KCNQ1: variants seen among roughly 807,000 people sequenced by gnomAD.
The protein encoded by KCNQ1 is potassium voltage-gated channel subfamily Q member 1, also known as potassium voltage-gated channel subfamily KQT member 1.
A neutral mutation model predicts 72.4 loss-of-function variants in KCNQ1; 49 were observed. The observed-to-expected ratio is 0.68, with a 90% CI of 0.54 to 0.86. KCNQ1 has a LOEUF of 0.86. Ranked by LOEUF, KCNQ1 falls within the 40% of genes least tolerant of loss-of-function variation. The pLI, the probability that KCNQ1 is intolerant of heterozygous loss-of-function variation, is 0.00. For synonymous variants in KCNQ1, 450 were observed against 412.6 expected (o/e 1.09, Z -1.10); for missense variants, 790 against 945.1 (o/e 0.84, Z 2.15).
chr11:2,587,430 T>G, intron 8 of KCNQ1, 140 bp from the exon 9 acceptor site: 1 of 1,234,240 alleles, frequency 8.1e-7, no homozygotes, highest in South Asian at 1.3e-5. Flanking sequence ...ATGTCAAGCC[T>G]GTGACTCTGA....
intron 11 of KCNQ1, among the ~76,000 whole-genome samples, chr11:2,717,880 C>T (rs231888): frequency 0.35 from 53,797 of 152,102 alleles, 10,684 homozygotes; most frequent in East Asian, 0.76. Flanking sequence ...CGCCCCAGGG[C>T]CTCCAGGTTT....
At chr11:2,561,707 C>T (rs973407945) in intron 2 of KCNQ1, among the ~76,000 whole-genome samples, 3 of 152,252 alleles carry the variant, frequency 2.0e-5, no homozygotes, top group African/African-American at 7.2e-5. Context: ...ATGTGTGGGA[C>T]AAGGGGCTCT....
chr11:2,553,840 C>G (rs575644213), intron 2 of KCNQ1, among the ~76,000 whole-genome samples: 2 of 151,974 alleles, frequency 1.3e-5, no homozygotes, highest in African/African-American at 2.4e-5. Flanking sequence ...CTCAGCCTCC[C>G]GAGTAGCTGG....
intron 10 of KCNQ1, chr11:2,629,905 G>A (rs1394065007): frequency 2.5e-6 from 1 of 398,162 alleles, no homozygotes; most frequent in Non-Finnish European, 4.4e-6. Context: ...TGATTTGAGT[G>A]TATTTATTTA....
rs1850182418 is a variant in KCNQ1 at position 2,671,463 on chromosome 11, G to A, written c.1514+9382G>A. 2.5e-6 allele frequency: 1 copy of A among 398,486 alleles called. No homozygotes were observed. The highest frequency in any genetic ancestry group is 2.1e-5 in the African/African-American group (1 of 48,626). The allele number at this position is 398,486 out of a possible 1,614,324, so 24.7% of individuals were successfully genotyped here. On this transcript the variant is annotated intron_variant, in intron 11 of 15. Coordinates refer to ENST00000155840, the MANE Select transcript of KCNQ1 (RefSeq NM_000218.3). This position sits in a 1 kb window ranked among gnomAD's most constrained non-coding sequence, Gnocchi z 4.7. ...AGCAGGCAGAAGAGCAACCCAGCAG[G>A]GGATATACACAAAGATCTGAGAAAG...
rs555961833 is a variant in KCNQ1, at chr11:2,808,294, C to A, written c.1794+30257C>A. Among the ~76,000 whole-genome samples, 1 of 152,192 alleles carries A rather than the reference C, an allele frequency of 6.6e-6. No homozygotes were observed. Among genetic ancestry groups the A allele is most frequent in the Non-Finnish European group, 1.5e-5 (1 of 68,032 alleles). On this transcript the variant is annotated intron_variant, in intron 15 of 15. Coordinates refer to ENST00000155840, the MANE Select transcript of KCNQ1 (RefSeq NM_000218.3). The surrounding 1 kb of genome is among the most constrained non-coding windows in gnomAD (Gnocchi z 6.0). ...CCAGTGGAAGATAATGGAGGTGTTACGGGGATGGGCTAGAACTCGGTCCTG... is the reference window on the plus strand; with the variant it reads ...CCAGTGGAAGATAATGGAGGTGTTAAGGGGATGGGCTAGAACTCGGTCCTG...
chr11:2,667,413 A>G, intron 11 of KCNQ1: 1 of 398,662 alleles, frequency 2.5e-6, no homozygotes, highest in East Asian at 3.6e-5. Context: ...AGCCCTCTCC[A>G]CTTGTGAACT....
At chr11:2,629,816 G>GT (rs201878433) in intron 10 of KCNQ1, 5,744 of 397,510 alleles carry the variant, frequency 0.014, 59 homozygotes, top group Non-Finnish European at 0.018. Flanking sequence ...CTTCTAACAG[G>GT]TTTTTTTTGT....
chr11:2,472,022 G>A (rs1452902368), intron 1 of KCNQ1, among the ~76,000 whole-genome samples: 5 of 151,880 alleles, frequency 3.3e-5, no homozygotes, highest in Admixed American at 2.6e-4. Context: ...ATAGGTGTAT[G>A]TATGGTTGTG....
intron 15 of KCNQ1, among the ~76,000 whole-genome samples, chr11:2,779,515 G>A (rs1846779232): frequency 6.6e-6 from 1 of 152,128 alleles, no homozygotes; most frequent in Admixed American, 6.5e-5. Flanking sequence ...GTGCAGGAGT[G>A]TCGGTGGCCC....
intron 10 of KCNQ1, chr11:2,634,621 A>G (rs1199027016): frequency 2.0e-5 from 3 of 152,174 alleles, no homozygotes; most frequent in Non-Finnish European, 4.4e-5. Flanking sequence ...GCTATCGTGA[A>G]TAGTGCTGCA....
intron 15 of KCNQ1, among the ~76,000 whole-genome samples, chr11:2,845,905 G>C (rs1848316225): frequency 6.6e-6 from 1 of 152,194 alleles, no homozygotes; most frequent in African/African-American, 2.4e-5. Context: ...TCCTTAGCCT[G>C]CTCAGCCTCC....
chr11:2,632,793 C>T, intron 10 of KCNQ1: 1 of 398,408 alleles, frequency 2.5e-6, no homozygotes, highest in East Asian at 3.6e-5. Context: ...ATTGTGTATA[C>T]ATACCACATT....
In KCNQ1 at chr11:2,621,561, C is replaced by T; in HGVS notation, c.1393+32707C>T. On this transcript the variant is annotated intron_variant, in intron 10 of 15. Coordinates refer to ENST00000155840, the MANE Select transcript of KCNQ1 (RefSeq NM_000218.3). The surrounding 1 kb of genome is among the most constrained non-coding windows in gnomAD (Gnocchi z 5.7). Reference sequence around the variant, plus strand: ...AAGCTCTTTAGTTTACCACTGTGATCTCTTTGCTATTGGTCTGTTCAGGCT... The same window carrying T: ...AAGCTCTTTAGTTTACCACTGTGATTTCTTTGCTATTGGTCTGTTCAGGCT... The T allele has an allele frequency of 2.5e-6, 1 of 398,412 alleles. No individual in the cohort carries two copies. The highest frequency in any genetic ancestry group is 4.4e-6 in the Non-Finnish European group (1 of 225,998). The allele number at this position is 398,412 out of a possible 1,614,324, so 24.7% of individuals were successfully genotyped here.
chr11:2,732,543 T>C (rs1218294867), intron 11 of KCNQ1, among the ~76,000 whole-genome samples: 1 of 152,076 alleles, frequency 6.6e-6, no homozygotes, highest in Non-Finnish European at 1.5e-5. Context: ...AGCCGGGCAG[T>C]GAGGAGCGCA....
At chr11:2,722,382 A>G (rs540493853) in intron 11 of KCNQ1, among the ~76,000 whole-genome samples, 27 of 152,258 alleles carry the variant, frequency 1.8e-4, no homozygotes, top group African/African-American at 6.0e-4. Flanking sequence ...CTGGGAGCTG[A>G]GTGCTGGACC....
chr11:2,717,316 G>T (rs1369208297), intron 11 of KCNQ1, among the ~76,000 whole-genome samples: 7 of 152,166 alleles, frequency 4.6e-5, no homozygotes, highest in Non-Finnish European at 8.8e-5. Flanking sequence ...CAGAGTGAGA[G>T]CCTCGACAGC....
intron 10 of KCNQ1, chr11:2,629,679 G>A: frequency 2.5e-6 from 1 of 398,448 alleles, no homozygotes; most frequent in Admixed American, 4.4e-5. Context: ...TATTCTTTTT[G>A]ATGCTATTTT....
intron 11 of KCNQ1, chr11:2,693,719 G>A (rs1850627127): frequency 2.5e-6 from 1 of 398,718 alleles, no homozygotes; most frequent in Middle Eastern, 6.3e-4. Context: ...TTCCTGGCTG[G>A]TGTGACTGGA....
Sources: gnomAD v4.1 joint callset for allele counts (sites outside exome capture counted in the v4.1 genomes callset) on GRCh38, gnomAD v4.1.1 for gene constraint, Gnocchi (gnomAD v3.1) non-coding constraint, MANE v1.5 for transcripts, NCBI Gene and HGNC (gene_info 2026-07-23, HGNC 2026-07-21) for gene names.